The following ADIPOR2 variants were observed in gnomAD, a reference collection of about 807,000 sequenced individuals.
The protein encoded by ADIPOR2 is adiponectin receptor 2, also known as adiponectin receptor protein 2.
In ADIPOR2, 18 loss-of-function variants were observed where a neutral mutation model predicts 40.9. The ratio of observed to expected loss-of-function variants is 0.44; its 90% CI spans 0.30 to 0.65. ADIPOR2 has a LOEUF of 0.65. Among genes scored for constraint, ADIPOR2 ranks in the 30% least tolerant of loss-of-function variants. The pLI, the probability that ADIPOR2 is intolerant of heterozygous loss-of-function variation, is 0.09. For missense variants in ADIPOR2, 283 were observed against 479.2 expected (o/e 0.59, Z 3.82); for synonymous variants, 165 against 166.4 (o/e 0.99, Z 0.06).
At chr12:1,752,175 C>T (rs542769627) in intron 1 of ADIPOR2, among the ~76,000 whole-genome samples, 4 of 147,984 alleles carry the variant, frequency 2.7e-5, no homozygotes, top group African/African-American at 5.0e-5. Context: ...GTGATCTGCC[C>T]GTCTCGGCCC....
chr12:1,766,440 C>T (rs1403853678), intron 2 of ADIPOR2, among the ~76,000 whole-genome samples: 1 of 152,144 alleles, frequency 6.6e-6, no homozygotes, highest in East Asian at 1.9e-4. Context: ...AGGTCTTTAG[C>T]CTCCTGGTCC....
At chr12:1,731,561 T>TC (rs1471475532) in intron 1 of ADIPOR2, among the ~76,000 whole-genome samples, 1 of 152,232 alleles carries the variant, frequency 6.6e-6, no homozygotes, top group Non-Finnish European at 1.5e-5. Flanking sequence ...TCTGACGCTA[T>TC]CAGTTTGCCT....
chr12:1,730,523 A>T (rs567506537), intron 1 of ADIPOR2, among the ~76,000 whole-genome samples: 1 of 150,992 alleles, frequency 6.6e-6, no homozygotes, highest in East Asian at 2.0e-4. Context: ...AAGCTGAGGC[A>T]GGAGAATGGT....
At chr12:1,750,858 TAA>T (rs982054696) in intron 1 of ADIPOR2, among the ~76,000 whole-genome samples, 2 of 152,152 alleles carry the variant, frequency 1.3e-5, no homozygotes, top group Non-Finnish European at 2.9e-5. Context: ...ATTTTATAGA[TAA>T]AAGAGTCATA....
In ADIPOR2 at chr12:1,786,447, C is replaced by G. The variant is rs533077487; in HGVS notation, c.*375C>G. 1 of 189,368 alleles carries G rather than the reference C, an allele frequency of 5.3e-6. No homozygotes were observed. Among genetic ancestry groups the G allele is most frequent in the Admixed American group, 5.5e-5 (1 of 18,194 alleles). 11.7% of individuals were successfully genotyped at this position (189,368 alleles called of 1,614,324 possible). ...TTCTTTCTTCTCCCTTTCTCTCTCT[C>G]TATGACAATAATACAAACCAATTTA... On this transcript the variant is annotated 3_prime_UTR_variant, in exon 8 of 8. Coordinates refer to ENST00000357103, the MANE Select transcript of ADIPOR2 (RefSeq NM_024551.3).
Position 1,787,463 on chromosome 12 carries a change from C to A in ADIPOR2, c.*1391C>A, listed in dbSNP as rs34875796. 10 of 152,180 alleles carry A rather than the reference C, an allele frequency of 6.6e-5. No homozygotes were observed. Among genetic ancestry groups the A allele is most frequent in the African/African-American group, 9.7e-5 (4 of 41,440 alleles). The allele number at this position is 152,180 out of a possible 1,614,324, so 9.4% of individuals were successfully genotyped here. ...TAAGAGTGGTGTGGCATTTTAAATA[C>A]AATGGTATGTTATTGCCAGGGAGTG... On this transcript the variant is annotated 3_prime_UTR_variant, in exon 8 of 8. Transcript: ENST00000357103.
intron 1 of ADIPOR2, among the ~76,000 whole-genome samples, chr12:1,743,819 G>A (rs912572041): frequency 3.3e-5 from 5 of 152,102 alleles, no homozygotes; most frequent in Non-Finnish European, 7.4e-5. Context: ...TGATGAATAG[G>A]CTTTTCTATG....
At chr12:1,707,975 G>T (rs531009528) in intron 1 of ADIPOR2, among the ~76,000 whole-genome samples, 77 of 152,212 alleles carry the variant, frequency 5.1e-4, no homozygotes, top group African/African-American at 1.8e-3. Context: ...TATACAGTCA[G>T]CGCTCCTTGT....
At chr12:1,777,826 A>G in intron 3 of ADIPOR2, 28 bp from the exon 4 acceptor site, 1 of 1,592,754 alleles carries the variant, frequency 6.3e-7, no homozygotes, top group Non-Finnish European at 8.6e-7. Context: ...TAAAATCACA[A>G]AGATGTTTGA....
At chr12:1,745,054 G>A (rs56401114) in intron 1 of ADIPOR2, among the ~76,000 whole-genome samples, 24 of 152,260 alleles carry the variant, frequency 1.6e-4, no homozygotes, top group Middle Eastern at 3.4e-3. Flanking sequence ...TGGATGCCCA[G>A]TGATTTCCCA....
chr12:1,725,268 T>C (rs1211058277), intron 1 of ADIPOR2, among the ~76,000 whole-genome samples: 3 of 152,080 alleles, frequency 2.0e-5, no homozygotes, highest in Non-Finnish European at 4.4e-5. Context: ...ATTATAGGCA[T>C]GCGCCACCAT....
intron 1 of ADIPOR2, among the ~76,000 whole-genome samples, chr12:1,736,307 C>G (rs2094730497): frequency 6.6e-6 from 1 of 152,102 alleles, no homozygotes; most frequent in South Asian, 2.1e-4. Context: ...TCAACTTCTT[C>G]CTGGTTTAGT....
chr12:1,751,876 T>A (rs1229820059), intron 1 of ADIPOR2, among the ~76,000 whole-genome samples: 1 of 151,882 alleles, frequency 6.6e-6, no homozygotes, highest in Non-Finnish European at 1.5e-5. Flanking sequence ...TAGCTCCTGC[T>A]GATGAAAAGT....
chr12:1,742,096 TTCTC>T (rs1212738783), intron 1 of ADIPOR2, among the ~76,000 whole-genome samples: 3 of 152,126 alleles, frequency 2.0e-5, no homozygotes, highest in African/African-American at 4.8e-5. Flanking sequence ...TTTGTCACTT[TTCTC>T]TCTCTCTTTT....
intron 2 of ADIPOR2, among the ~76,000 whole-genome samples, chr12:1,772,340 G>C (rs1266943776): frequency 1.3e-5 from 2 of 152,166 alleles, no homozygotes; most frequent in Non-Finnish European, 1.5e-5. Flanking sequence ...GTGGTTGTTA[G>C]GATTAAGTTA....
chr12:1,730,315 G>C (rs1315483667), intron 1 of ADIPOR2, among the ~76,000 whole-genome samples: 2 of 151,324 alleles, frequency 1.3e-5, no homozygotes, highest in Non-Finnish European at 2.9e-5. Context: ...TAGGAGATAC[G>C]TTATTTGAAA....
At chr12:1,753,922 A>G (rs1215873311) in intron 1 of ADIPOR2, among the ~76,000 whole-genome samples, 1 of 152,190 alleles carries the variant, frequency 6.6e-6, no homozygotes, top group African/African-American at 2.4e-5. Context: ...TATTCTTCTC[A>G]CTTCAGACCC....
intron 1 of ADIPOR2, among the ~76,000 whole-genome samples, chr12:1,715,721 C>A (rs2094686172): frequency 6.6e-6 from 1 of 152,108 alleles, no homozygotes; most frequent in South Asian, 2.1e-4. Flanking sequence ...AGCTGGACTT[C>A]TGGGTTGGGT....
intron 2 of ADIPOR2, among the ~76,000 whole-genome samples, chr12:1,758,629 AAG>A (rs1862200628): frequency 6.6e-6 from 1 of 152,244 alleles, no homozygotes; most frequent in Admixed American, 6.5e-5. Context: ...GGGGATAGAT[AAG>A]AGTTATAGAG....
Sources: gnomAD v4.1 joint callset for allele counts (sites outside exome capture counted in the v4.1 genomes callset) on GRCh38, gnomAD v4.1.1 for gene constraint, MANE v1.5 for transcripts, NCBI Gene and HGNC (gene_info 2026-07-23, HGNC 2026-07-21) for gene names.